The following HPN variants were observed in gnomAD, a reference collection of about 807,000 sequenced individuals.
HPN encodes the protein hepsin.
In HPN, 13 loss-of-function variants were observed where a neutral mutation model predicts 55.9. The ratio of observed to expected loss-of-function variants is 0.23; its 90% CI spans 0.15 to 0.37. The LOEUF (loss-of-function observed/expected upper bound fraction) is 0.37. Among genes scored for constraint, HPN ranks in the 10% least tolerant of loss-of-function variants. HPN has a pLI of 1.00. For missense variants in HPN, 451 were observed against 575.8 expected (o/e 0.78, Z 2.22); for synonymous variants, 225 against 240.3 (o/e 0.94, Z 0.59).
Position 35,066,373 on chromosome 19 carries a change from C to A in HPN, c.*86C>A. Reference sequence around the variant, plus strand: ...GCTGGGCCTAGGATGGGACGTTTTTCTTCTTGGGCCCGGTCCACAGGTCCA... The same window carrying A: ...GCTGGGCCTAGGATGGGACGTTTTTATTCTTGGGCCCGGTCCACAGGTCCA... On this transcript the variant is annotated 3_prime_UTR_variant, in exon 13 of 13. Coordinates refer to ENST00000672452, the MANE Select transcript of HPN (RefSeq NM_001384133.1). The A allele has an allele frequency of 6.6e-7, 1 of 1,520,200 alleles. No homozygotes were observed. The highest frequency in any genetic ancestry group is 1.8e-4 in the Middle Eastern group (1 of 5,418). 94.2% of individuals were successfully genotyped at this position (1,520,200 alleles called of 1,614,324 possible).
intron 4 of HPN, chr19:35,059,181 C>T (rs1025043785): frequency 3.4e-6 from 1 of 292,744 alleles, no homozygotes; most frequent in Non-Finnish European, 6.7e-6. Flanking sequence ...GGCAGAGTGC[C>T]ATGGTGCTCT....
At chr19:35,050,914 C>CTTTTTTTTTTTTTTTTTTTTTTTTTTTTT (rs5827917) in intron 4 of HPN, among the ~76,000 whole-genome samples, 4 of 90,442 alleles carry the variant, frequency 4.4e-5, no homozygotes, top group African/African-American at 8.8e-5. Flanking sequence ...TTCTTTCTTT[C>CTTTTTTTTTTTTTTTTTTTTTTTTTTTTT]TTTTTTTTTT....
At chr19:35,064,795 C>A (rs547028065) in intron 9 of HPN, among the ~76,000 whole-genome samples, 9 of 149,404 alleles carry the variant, frequency 6.0e-5, no homozygotes, top group Non-Finnish European at 1.0e-4. Context: ...GCTCTTGGTA[C>A]GTGGCGACTT....
chr19:35,042,206 C>T (rs2064301149), intron 1 of HPN: 2 of 1,276,842 alleles, frequency 1.6e-6, no homozygotes, highest in South Asian at 1.9e-5. Context: ...CCGGGATCCT[C>T]AGTCCCCTGC....
intron 2 of HPN, 116 bp from the exon 3 acceptor site, chr19:35,049,174 G>A (rs530060784): frequency 4.7e-6 from 3 of 640,120 alleles, no homozygotes; most frequent in Non-Finnish European, 7.3e-6. Flanking sequence ...GCCTGGGGAG[G>A]ACATGCTTGG....
At chr19:35,053,623 T>C (rs953405991) in intron 4 of HPN, among the ~76,000 whole-genome samples, 2 of 152,212 alleles carry the variant, frequency 1.3e-5, no homozygotes, top group African/African-American at 4.8e-5. Context: ...CTGGTGCCTG[T>C]AATCCCAGCT....
chr19:35,060,540 T>A, intron 8 of HPN, 28 bp downstream of exon 8: 1 of 1,611,724 alleles, frequency 6.2e-7, no homozygotes, highest in Non-Finnish European at 8.5e-7. Context: ...GCGCTGATGA[T>A]GGGGAGGCAG....
intron 4 of HPN, among the ~76,000 whole-genome samples, chr19:35,053,177 G>A (rs1231396239): frequency 6.6e-6 from 1 of 152,120 alleles, no homozygotes; most frequent in Non-Finnish European, 1.5e-5. Context: ...AGCAGAGAGT[G>A]TGACTTTAAA....
rs750102251 is a variant in HPN, at chr19:35,059,868, G to A, written c.291-6G>A. The A allele has an allele frequency of 2.0e-6, 3 of 1,499,132 alleles. No homozygotes were observed. The highest frequency in any genetic ancestry group is 2.7e-6 in the Non-Finnish European group (3 of 1,123,566). 92.9% of individuals were successfully genotyped at this position (1,499,132 alleles called of 1,614,324 possible). A position where few individuals can be genotyped will look rare whatever the true frequency, so the allele number is the denominator to read the frequency against. ...GGGGAGCAGGCCTAACCCCTGCCCC[G>A]CCCAGGGCACTGACCCACTCCGAGC... On this transcript the variant is annotated splice_region_variant and splice_polypyrimidine_tract_variant and intron_variant, in intron 5 of 12. Transcript: ENST00000672452.
Position 35,060,124 on chromosome 19 carries a change from C to T in HPN, c.414-5C>T, listed in dbSNP as rs776415355. On this transcript the variant is annotated splice_region_variant and splice_polypyrimidine_tract_variant and intron_variant, in intron 6 of 12. Transcript: ENST00000672452. The stretch of plus-strand genomic sequence containing the variant: ...TTTCTGTGTCTCCAATCCCATCTCT[C>T]CCAGTGATTGCCCCAGAGGCCGTTT... 1.5e-5 allele frequency: 25 copies of T among 1,614,198 alleles called. No individual in the cohort carries two copies. The highest frequency in any genetic ancestry group is 1.9e-5 in the Non-Finnish European group (23 of 1,180,022).
chr19:35,057,601 T>C (rs1280821588), intron 4 of HPN, among the ~76,000 whole-genome samples: 1 of 152,188 alleles, frequency 6.6e-6, no homozygotes, highest in Admixed American at 6.5e-5. Context: ...TATAAATGTC[T>C]TGTTGGACAA....
chr19:35,048,079 A>AAG (rs1491071365), intron 2 of HPN, among the ~76,000 whole-genome samples: 1,101 of 53,976 alleles, frequency 0.02, 9 homozygotes, highest in Middle Eastern at 0.034. Flanking sequence ...AAAGAAAGAA[A>AAG]GAAAAGGAAG....
intron 2 of HPN, among the ~76,000 whole-genome samples, chr19:35,047,080 G>C (rs567214090): frequency 6.6e-6 from 1 of 151,962 alleles, no homozygotes; most frequent in East Asian, 1.9e-4. Flanking sequence ...TGCCCACCTC[G>C]GCCTCCCAAA....
At chr19:35,065,800 G>A in intron 11 of HPN, 68 bp from the exon 12 acceptor site, 2 of 1,519,532 alleles carry the variant, frequency 1.3e-6, no homozygotes, top group South Asian at 1.1e-5. Context: ...CACAGCCCAT[G>A]TCATCCCGGG....
At position 35,042,387 on chromosome 19, in the gene HPN, G is replaced by T. The variant is rs928234631; in HGVS notation, c.-54-66G>T. The T allele has an allele frequency of 4.1e-6, 6 of 1,479,930 alleles. No individual in the cohort carries two copies. In the African/African-American group the frequency reaches 8.5e-5, roughly 21 times the overall value. 91.7% of individuals were successfully genotyped at this position (1,479,930 alleles called of 1,614,324 possible). On this transcript the variant is annotated intron_variant, in intron 1 of 12. Transcript: ENST00000672452. ...CCTGCCTGGATGGACGCCTGGGACT[G>T]GGGGCGCCAGGACTGGGCTGGGCTG... is the stretch of plus-strand genomic sequence containing the variant.
At chr19:35,043,520 A>G (rs1425697633) in intron 2 of HPN, among the ~76,000 whole-genome samples, 1 of 152,216 alleles carries the variant, frequency 6.6e-6, no homozygotes, top group African/African-American at 2.4e-5. Flanking sequence ...CATCTGTGAA[A>G]TGGAGAGGGT....
At chr19:35,042,102 G>T in intron 1 of HPN, 1 of 1,112,670 alleles carries the variant, frequency 9.0e-7, no homozygotes. Flanking sequence ...CAGCCCTCAG[G>T]CCCCTCCTCC....
intron 2 of HPN, among the ~76,000 whole-genome samples, chr19:35,048,042 A>AAGAG (rs1477301651): frequency 1.9e-5 from 1 of 51,298 alleles, no homozygotes; most frequent in Non-Finnish European, 3.4e-5. Flanking sequence ...GAAAGAAAGA[A>AAGAG]AGAAAGAAAG....
chr19:35,061,226 G>T (rs565772534), intron 9 of HPN, among the ~76,000 whole-genome samples: 1 of 152,176 alleles, frequency 6.6e-6, no homozygotes, highest in Non-Finnish European at 1.5e-5. Flanking sequence ...GACCGGGCGC[G>T]GTGGCTCATG....
Sources: gnomAD v4.1 joint callset for allele counts (sites outside exome capture counted in the v4.1 genomes callset) on GRCh38, gnomAD v4.1.1 for gene constraint, MANE v1.5 for transcripts, NCBI Gene and HGNC (gene_info 2026-07-23, HGNC 2026-07-21) for gene names.